The following INPP4B variants were observed in gnomAD, a reference collection of about 807,000 sequenced individuals.
INPP4B encodes inositol polyphosphate 4-phosphatase type II.
INPP4B carries 55 observed loss-of-function variants against 122.5 expected under a neutral mutation model. The ratio of observed to expected loss-of-function variants is 0.45; its 90% confidence interval spans 0.36 to 0.56. The LOEUF is 0.56. Ranked by LOEUF, INPP4B falls within the 20% of genes least tolerant of loss-of-function variation. The probability of loss-of-function intolerance (pLI) is 0.00; values close to 1 mark genes in which losing one functional copy is unlikely to be tolerated. For synonymous variants in INPP4B, 403 were observed against 388.7 expected (o/e 1.04, Z -0.43); for missense variants, 1,000 against 1,097.7 (o/e 0.91, Z 1.26).
intron 2 of INPP4B, among the ~76,000 whole-genome samples, chr4:142,681,040 G>A (rs752765134): frequency 6.6e-6 from 1 of 151,772 alleles, no homozygotes; most frequent in Admixed American, 6.6e-5. Context: ...GAATAGTTCC[G>A]TCAAGACCCA....
intron 7 of INPP4B, chr4:142,317,249 T>C (rs1018926303): frequency 5.9e-6 from 2 of 338,760 alleles, no homozygotes; most frequent in South Asian, 2.9e-5. Flanking sequence ...TGGCAGATTA[T>C]GTGGACCATC....
intron 1 of INPP4B, among the ~76,000 whole-genome samples, chr4:142,844,943 C>T (rs1050829250): frequency 6.6e-6 from 1 of 152,174 alleles, no homozygotes; most frequent in Non-Finnish European, 1.5e-5. Context: ...CCTTTATAAA[C>T]AAGTTCTGTC....
chr4:142,571,131 G>C (rs1378139873), intron 2 of INPP4B, among the ~76,000 whole-genome samples: 3 of 150,214 alleles, frequency 2.0e-5, no homozygotes, highest in Non-Finnish European at 4.4e-5. Flanking sequence ...GGGGCAGAAG[G>C]TGAAGAGGAA....
intron 7 of INPP4B, among the ~76,000 whole-genome samples, chr4:142,363,885 G>T (rs1411410972): frequency 6.6e-6 from 1 of 152,038 alleles, no homozygotes; most frequent in Non-Finnish European, 1.5e-5. Context: ...AGTGGAGAAA[G>T]GGTGAAGTCA....
chr4:142,539,145 T>G (rs1345611390), intron 2 of INPP4B, among the ~76,000 whole-genome samples: 1 of 140,920 alleles, frequency 7.1e-6, no homozygotes, highest in African/African-American at 2.6e-5. Flanking sequence ...TTTTTTTCTT[T>G]GAGATAATAA....
chr4:142,591,079 C>T (rs566070011), intron 2 of INPP4B, among the ~76,000 whole-genome samples: 2 of 152,126 alleles, frequency 1.3e-5, no homozygotes, highest in South Asian at 2.1e-4. Flanking sequence ...CTTTGAGAGG[C>T]CGAGGCGGGC....
intron 7 of INPP4B, among the ~76,000 whole-genome samples, chr4:142,365,001 C>T (rs1290018094): frequency 6.6e-6 from 1 of 152,020 alleles, no homozygotes; most frequent in East Asian, 1.9e-4. Context: ...CCCTAGGCTC[C>T]CAAGTGAGGT....
intron 1 of INPP4B, among the ~76,000 whole-genome samples, chr4:142,840,663 T>A (rs1444950): frequency 0.35 from 53,088 of 151,948 alleles, 9,458 homozygotes; most frequent in South Asian, 0.48. Context: ...AGAAAAGTTT[T>A]AAAAAATGAA....
intron 12 of INPP4B, among the ~76,000 whole-genome samples, chr4:142,229,603 A>G (rs891573053): frequency 2.6e-5 from 4 of 152,178 alleles, no homozygotes; most frequent in African/African-American, 7.2e-5. Context: ...GAGGCATATG[A>G]TCAGGACCAA....
At chr4:142,465,322 A>T (rs1232332817) in intron 2 of INPP4B, among the ~76,000 whole-genome samples, 1 of 152,148 alleles carries the variant, frequency 6.6e-6, no homozygotes, top group East Asian at 1.9e-4. Context: ...ACTAAAACCC[A>T]ATGAAGTGTA....
chr4:142,844,374 T>C (rs1016279762), intron 1 of INPP4B, among the ~76,000 whole-genome samples: 2 of 152,264 alleles, frequency 1.3e-5, no homozygotes, highest in Non-Finnish European at 2.9e-5. Flanking sequence ...TTAATGTCAC[T>C]GAGCATTTAG....
chr4:142,409,309 A>G lies in INPP4B; in HGVS notation c.137-3985T>C, dbSNP rs528111806. Among the ~76,000 whole-genome samples, 10 of 152,320 alleles carry G rather than the reference A, an allele frequency of 6.6e-5. No homozygotes were observed. In the East Asian group the frequency reaches 1.5e-3, roughly 24 times the overall value. ...GGAGTTCGAGACCAGCCTGGCCAAC[A>G]TGGCAAAACCCCATCTCTACTAAAA... On this transcript the variant is annotated intron_variant, in intron 5 of 25. Coordinates refer to ENST00000262992, the MANE Select transcript of INPP4B (RefSeq NM_001101669.3).
chr4:142,822,963 C>T (rs1364564993), intron 1 of INPP4B, among the ~76,000 whole-genome samples: 1 of 152,166 alleles, frequency 6.6e-6, no homozygotes, highest in African/African-American at 2.4e-5. Context: ...CTCTGCATAT[C>T]CTACTCTTGG....
intron 1 of INPP4B, among the ~76,000 whole-genome samples, chr4:142,809,934 C>T (rs1446320925): frequency 6.6e-6 from 1 of 151,970 alleles, no homozygotes; most frequent in Non-Finnish European, 1.5e-5. Flanking sequence ...CTTTGGGAGG[C>T]CAAGGTGGGC....
intron 11 of INPP4B, among the ~76,000 whole-genome samples, chr4:142,238,806 C>T (rs1489427448): frequency 2.6e-5 from 4 of 152,032 alleles, no homozygotes; most frequent in African/African-American, 9.7e-5. Context: ...TTAGTGAAGC[C>T]AGTACTCATA....
chr4:142,241,659 C>G (rs1010278482), intron 11 of INPP4B, among the ~76,000 whole-genome samples: 1 of 152,142 alleles, frequency 6.6e-6, no homozygotes, highest in Non-Finnish European at 1.5e-5. Flanking sequence ...ATAGAAAAGA[C>G]TGTTGCTCAA....
chr4:142,196,219 T>C (rs1838153921), intron 14 of INPP4B, among the ~76,000 whole-genome samples: 1 of 152,192 alleles, frequency 6.6e-6, no homozygotes, highest in African/African-American at 2.4e-5. Flanking sequence ...GACGTTTTCT[T>C]TTCATTCTAT....
chr4:142,485,325 T>C (rs1821073029), intron 2 of INPP4B, among the ~76,000 whole-genome samples: 1 of 152,058 alleles, frequency 6.6e-6, no homozygotes, highest in African/African-American at 2.4e-5. Flanking sequence ...GTATTTAGCT[T>C]TTAGGCTAAT....
At chr4:142,345,828 A>C (rs550767109) in intron 7 of INPP4B, among the ~76,000 whole-genome samples, 54 of 152,050 alleles carry the variant, frequency 3.6e-4, no homozygotes, top group Non-Finnish European at 6.3e-4. Flanking sequence ...TAGGGCTGAT[A>C]ATTGTCCATT....
Sources: allele counts gnomAD v4.1 joint callset (sites outside exome capture counted in the v4.1 genomes callset), GRCh38; gene constraint gnomAD v4.1.1; transcripts MANE v1.5; gene names NCBI Gene and HGNC (gene_info 2026-07-23, HGNC 2026-07-21).